ERC2: variants seen among roughly 807,000 people sequenced by gnomAD.
The protein encoded by ERC2 is ERC protein 2.
In ERC2, 42 loss-of-function variants were observed where a neutral mutation model predicts 114.8. The observed-to-expected ratio is 0.37, with a 90% CI of 0.29 to 0.47. The LOEUF (loss-of-function observed/expected upper bound fraction) is 0.47, where lower values mean the gene tolerates loss of function less well. Ranked by LOEUF, ERC2 falls within the 20% of genes least tolerant of loss-of-function variation. The probability of loss-of-function intolerance (pLI) is 0.99; values close to 1 mark genes in which losing one functional copy is unlikely to be tolerated. For synonymous variants in ERC2, 454 were observed against 425.5 expected, an observed-to-expected ratio of 1.07 and a Z score of -0.82; for missense variants, 939 against 1,150.7, an observed-to-expected ratio of 0.82 and a Z score of 2.66.
At chr3:55,749,212 C>G (rs1268158720) in intron 14 of ERC2, among the ~76,000 whole-genome samples, 3 of 152,174 alleles carry the variant, frequency 2.0e-5, no homozygotes, top group South Asian at 2.1e-4. Flanking sequence ...GAGAAAACAT[C>G]CTGGTGACCA....
intron 2 of ERC2, among the ~76,000 whole-genome samples, chr3:56,419,474 CCTCCAGTATATTGTATCTGAATACA>C: frequency 6.6e-6 from 1 of 152,330 alleles, no homozygotes; most frequent in Non-Finnish European, 1.5e-5. Flanking sequence ...AAATCCACCA[CCTCCAGTATATTGTATCTGAATACA>C]CTTAGTGAAT....
chr3:55,610,008 T>C (rs1292358023), intron 17 of ERC2, among the ~76,000 whole-genome samples: 2 of 150,648 alleles, frequency 1.3e-5, no homozygotes, highest in Non-Finnish European at 3.0e-5. Context: ...AAATGGGGCA[T>C]TTTCTTTCTC....
intron 7 of ERC2, among the ~76,000 whole-genome samples, chr3:56,036,260 G>A (rs533662465): frequency 4.6e-5 from 7 of 152,282 alleles, no homozygotes; most frequent in African/African-American, 1.7e-4. Context: ...ATACTCAATG[G>A]AGAGAAGCTG....
At chr3:55,525,267 C>T (rs2053235413) in intron 17 of ERC2, among the ~76,000 whole-genome samples, 1 of 152,190 alleles carries the variant, frequency 6.6e-6, no homozygotes, top group Non-Finnish European at 1.5e-5. Flanking sequence ...TTCAGTTCTT[C>T]AATTCAACAA....
At chr3:55,942,594 GC>G (rs2066884136) in intron 13 of ERC2, among the ~76,000 whole-genome samples, 1 of 151,902 alleles carries the variant, frequency 6.6e-6, no homozygotes, top group African/African-American at 2.4e-5. Flanking sequence ...ACCGCGCCCG[GC>G]CCGTCTAAGG....
intron 7 of ERC2, among the ~76,000 whole-genome samples, chr3:56,061,978 G>A (rs569730639): frequency 1.3e-5 from 2 of 152,130 alleles, no homozygotes; most frequent in Admixed American, 6.6e-5. Context: ...TTCATGCTAT[G>A]TGTAGAATTT....
chr3:56,227,972 T>C (rs1451117267), intron 3 of ERC2, among the ~76,000 whole-genome samples: 1 of 152,094 alleles, frequency 6.6e-6, no homozygotes, highest in East Asian at 1.9e-4. Flanking sequence ...GATAACAACA[T>C]GAAAGAATTT....
At chr3:56,076,221 T>C (rs1362341415) in intron 7 of ERC2, among the ~76,000 whole-genome samples, 4 of 152,140 alleles carry the variant, frequency 2.6e-5, no homozygotes, top group African/African-American at 4.8e-5. Context: ...TAAATTCACA[T>C]TGTTTATGGG....
At chr3:55,974,616 A>G (rs1466903302) in intron 12 of ERC2, among the ~76,000 whole-genome samples, 2 of 152,148 alleles carry the variant, frequency 1.3e-5, no homozygotes, top group African/African-American at 2.4e-5. Context: ...AACCATCTTA[A>G]GCAGGCAGAA....
chr3:56,065,790 T>C (rs943664116), intron 7 of ERC2, among the ~76,000 whole-genome samples: 2 of 152,102 alleles, frequency 1.3e-5, no homozygotes, highest in Non-Finnish European at 2.9e-5. Flanking sequence ...TGAGTGAGTA[T>C]ATGTGGTGTT....
At chr3:55,851,124 G>T (rs1033585763) in intron 14 of ERC2, among the ~76,000 whole-genome samples, 2 of 152,050 alleles carry the variant, frequency 1.3e-5, no homozygotes, top group Non-Finnish European at 2.9e-5. Context: ...TCTTGGAAAA[G>T]CTCTGACCTT....
chr3:56,341,472 G>A (rs1021897352), intron 2 of ERC2, among the ~76,000 whole-genome samples: 1 of 152,054 alleles, frequency 6.6e-6, no homozygotes, highest in Non-Finnish European at 1.5e-5. Context: ...TAGCATGAGA[G>A]ACAGAACTAC....
intron 17 of ERC2, among the ~76,000 whole-genome samples, chr3:55,605,061 A>T (rs1559729803): frequency 6.6e-6 from 1 of 152,140 alleles, no homozygotes. Flanking sequence ...ACCTGTTTAA[A>T]TCTGTTTGCA....
intron 2 of ERC2, among the ~76,000 whole-genome samples, chr3:56,313,369 A>G (rs200322587): frequency 6.6e-6 from 1 of 152,098 alleles, no homozygotes; most frequent in East Asian, 1.9e-4. Flanking sequence ...TATCTCAATA[A>G]AGCTGTTAAA....
chr3:56,264,766 A>AT (rs1275625857), intron 3 of ERC2, among the ~76,000 whole-genome samples: 4 of 151,932 alleles, frequency 2.6e-5, no homozygotes, highest in Non-Finnish European at 5.9e-5. Flanking sequence ...AAGTTGCAAG[A>AT]TAAAAAAAAT....
Position 56,467,592 on chromosome 3 carries a change from T to C in ERC2, c.-141+656A>G, listed in dbSNP as rs538589361. On this transcript the variant is annotated intron_variant, in intron 1 of 17. Transcript: ENST00000288221. ...TTAGGTACACCTTCGTAAGTATCCCTTTTTTTGTATAATTAGGAGATGGGG... is the reference window on the plus strand; with the variant it reads ...TTAGGTACACCTTCGTAAGTATCCCCTTTTTTGTATAATTAGGAGATGGGG... Among the ~76,000 whole-genome samples, 6 of 152,042 alleles carry C rather than the reference T, an allele frequency of 3.9e-5. No homozygotes were observed. The South Asian group carries it at 1.0e-3, about 26-fold the overall frequency.
chr3:56,020,736 T>C (rs112933639), intron 7 of ERC2, among the ~76,000 whole-genome samples: 1 of 152,170 alleles, frequency 6.6e-6, no homozygotes, highest in African/African-American at 2.4e-5. Context: ...TTAGACCCAC[T>C]GGCCCACCCT....
In ERC2 at chr3:55,563,253, C is replaced by T. The variant is rs564001855; in HGVS notation, c.*40-51977G>A. On this transcript the variant is annotated intron_variant, in intron 17 of 17. Transcript: ENST00000288221. ...AAGTAAGGTGGACTGTTGCCCTCTG[C>T]GTGGCCATCAGAATTCTGCTCCTCT... Among the ~76,000 whole-genome samples, 56 of 151,456 alleles carry T rather than the reference C, an allele frequency of 3.7e-4. 3 individuals are homozygous for T. The South Asian group carries it at 0.011, about 29-fold the overall frequency.
At chr3:55,794,352 G>C (rs1312649098) in intron 14 of ERC2, among the ~76,000 whole-genome samples, 1 of 152,152 alleles carries the variant, frequency 6.6e-6, no homozygotes, top group Non-Finnish European at 1.5e-5. Flanking sequence ...GGCCAAACTT[G>C]ATGATCAGTC....
Sources: gnomAD v4.1 joint callset for allele counts (sites outside exome capture counted in the v4.1 genomes callset) on GRCh38, gnomAD v4.1.1 for gene constraint, MANE v1.5 for transcripts, NCBI Gene and HGNC (gene_info 2026-07-23, HGNC 2026-07-21) for gene names.